The following PPP1R12A variants were observed in gnomAD, a reference collection of about 807,000 sequenced individuals.
The protein encoded by PPP1R12A is protein phosphatase 1 regulatory subunit 12A, also known as myosin binding subunit.
PPP1R12A carries 19 observed loss-of-function variants against 139.6 expected under a neutral mutation model. The observed-to-expected ratio is 0.14, with a 90% CI of 0.09 to 0.20. The LOEUF (loss-of-function observed/expected upper bound fraction) is 0.20, where lower values mean the gene tolerates loss of function less well. PPP1R12A is among the 10% of genes least tolerant of loss of function. PPP1R12A has a pLI of 1.00. For missense variants in PPP1R12A, 925 were observed against 1,211.5 expected (o/e 0.76, Z 3.51); for synonymous variants, 427 against 420.6 (o/e 1.02, Z -0.19).
intron 2 of PPP1R12A, among the ~76,000 whole-genome samples, chr12:79,870,992 A>G (rs767498062): frequency 6.7e-6 from 1 of 149,624 alleles, no homozygotes; most frequent in Non-Finnish European, 1.5e-5. Flanking sequence ...CTTGCAATCC[A>G]TTTTTTTTTT....
chr12:79,890,901 C>CACACACA (rs1565800207), intron 1 of PPP1R12A, among the ~76,000 whole-genome samples: 4 of 30,946 alleles, frequency 1.3e-4, no homozygotes, highest in African/African-American at 2.0e-4. Context: ...CCACCCACAC[C>CACACACA]CACCCACACA....
Position 79,828,350 on chromosome 12 carries a change from A to G in PPP1R12A, c.762T>C (p.Asn254=), listed in dbSNP as rs368002634. The change falls in exon 5 of 25, where the codon AAT becomes AAC. Residue 254 remains asparagine, a synonymous_variant. Transcript: ENST00000450142. ...TGTTGACCATCTCCATATCACACAG[A>G]TTGTCCACTAAAATTCGACATGCTT... The part of the protein sequence containing the change: ...KEEACRILVD[N]LCDMEMVNKV... 1.9e-6 allele frequency: 3 copies of G among 1,612,440 alleles called. No homozygotes were observed. In the African/African-American group the frequency reaches 4.0e-5, roughly 22 times the overall value.
At chr12:79,790,849 G>A (rs1277644116) in intron 19 of PPP1R12A, among the ~76,000 whole-genome samples, 1 of 152,024 alleles carries the variant, frequency 6.6e-6, no homozygotes, top group Non-Finnish European at 1.5e-5. Flanking sequence ...TTTTTCTATT[G>A]AAATACTCAC....
At chr12:79,909,723 G>T (rs1177112346) in intron 1 of PPP1R12A, among the ~76,000 whole-genome samples, 1 of 63,086 alleles carries the variant, frequency 1.6e-5, no homozygotes, top group Non-Finnish European at 4.7e-5. Context: ...ACAGAACTCC[G>T]TCTTAAAAAA....
At chr12:79,870,964 C>A (rs1350862358) in intron 2 of PPP1R12A, among the ~76,000 whole-genome samples, 1 of 152,156 alleles carries the variant, frequency 6.6e-6, no homozygotes, top group Non-Finnish European at 1.5e-5. Context: ...ACACAGAATA[C>A]AGGGAGGATA....
chr12:79,790,589 G>T, intron 19 of PPP1R12A, 106 bp from the exon 20 acceptor site: 1 of 756,002 alleles, frequency 1.3e-6, no homozygotes. Context: ...AGAAGCAAAC[G>T]AATGAACACC....
rs532993208 is a variant in PPP1R12A at position 79,831,168 on chromosome 12, T to C, written c.647+1164A>G. On this transcript the variant is annotated intron_variant, in intron 4 of 24. Coordinates refer to ENST00000450142, the MANE Select transcript of PPP1R12A (RefSeq NM_002480.3). ...TCTATTCTCAAAAAAAAAAATGCTG[T>C]TGGCAACTCACAAAAGTTTTGGATT... Among the ~76,000 whole-genome samples the C allele has an allele frequency of 2.7e-4, 41 of 151,766 alleles. No individual in the cohort carries two copies. In the South Asian group the frequency reaches 8.1e-3, roughly 30 times the overall value.
rs369933341 is a variant in PPP1R12A, at chr12:79,876,686, T to C, written c.238-3748A>G. Among the ~76,000 whole-genome samples, 139 of 152,232 alleles carry C rather than the reference T, an allele frequency of 9.1e-4. 3 individuals are homozygous for C. The highest frequency in any genetic ancestry group is 3.1e-3 in the African/African-American group (127 of 41,516). On this transcript the variant is annotated intron_variant, in intron 1 of 24. Transcript: ENST00000450142. ...CTACCATAGAAACAAAAGAAATGCT[T>C]TTAGCAGCATTTCCCTAAGGAAGAA... is the stretch of plus-strand genomic sequence containing the variant.
At chr12:79,903,301 A>ATTTT (rs1885809241) in intron 1 of PPP1R12A, among the ~76,000 whole-genome samples, 1 of 152,044 alleles carries the variant, frequency 6.6e-6, no homozygotes, top group African/African-American at 2.4e-5. Context: ...AAATACAAAA[A>ATTTT]TTAGCCAGGT....
chr12:79,829,745 TC>T (rs1319019408), intron 4 of PPP1R12A, among the ~76,000 whole-genome samples: 3 of 152,044 alleles, frequency 2.0e-5, no homozygotes, highest in African/African-American at 7.2e-5. Flanking sequence ...AAAACGCTGT[TC>T]CCCATTAGGA....
chr12:79,824,266 T>G (rs917556271), intron 5 of PPP1R12A, among the ~76,000 whole-genome samples: 27 of 152,304 alleles, frequency 1.8e-4, no homozygotes, highest in African/African-American at 6.3e-4. Flanking sequence ...ATAATGCTAT[T>G]TATTTAATGT....
At chr12:79,834,140 CAAGGA>C (rs201166951) in intron 3 of PPP1R12A, among the ~76,000 whole-genome samples, 1,615 of 152,000 alleles carry the variant, frequency 0.011, 72 homozygotes, top group Admixed American at 0.094. Context: ...AAAAATAAAG[CAAGGA>C]AAGGAAACAG....
In PPP1R12A at chr12:79,785,240, T is replaced by C. The variant is rs553642510; in HGVS notation, c.2907+1134A>G. 5.3e-5 allele frequency among the ~76,000 whole-genome samples: 8 copies of C among 152,338 alleles called. No homozygotes were observed. The East Asian group carries it at 1.5e-3, about 29-fold the overall frequency. On this transcript the variant is annotated intron_variant, in intron 22 of 24. Coordinates refer to ENST00000450142, the MANE Select transcript of PPP1R12A (RefSeq NM_002480.3). ...AACCTATTCTTGTTCTGTTTTACTT[T>C]TCTGTTTATCTTTACAAAAACCTCC...
In PPP1R12A at chr12:79,904,542, A is replaced by G. The variant is rs187863448; in HGVS notation, c.237+30153T>C. ...CTTATGACGAAAACCTTGCTGCAGA[A>G]TATTATTATCATTTAACAAGCTCTG... On this transcript the variant is annotated intron_variant, in intron 1 of 24. Transcript: ENST00000450142. 9.2e-5 allele frequency among the ~76,000 whole-genome samples: 14 copies of G among 152,218 alleles called. No individual in the cohort carries two copies. The East Asian group carries it at 2.1e-3, about 23-fold the overall frequency.
At chr12:79,823,219 G>C (rs1460162121) in intron 5 of PPP1R12A, among the ~76,000 whole-genome samples, 6 of 151,920 alleles carry the variant, frequency 3.9e-5, no homozygotes, top group African/African-American at 1.5e-4. Flanking sequence ...TTTCCAGGAT[G>C]CTTACAAGTT....
chr12:79,806,659 A>G (rs1316011046), intron 12 of PPP1R12A, among the ~76,000 whole-genome samples: 1 of 152,234 alleles, frequency 6.6e-6, no homozygotes, highest in Admixed American at 6.5e-5. Context: ...GTTTTGTATT[A>G]CCCAGGGAAA....
chr12:79,935,205 T>G, upstream of PPP1R12A: 1 of 1,309,102 alleles, frequency 7.6e-7, no homozygotes, highest in Non-Finnish European at 9.7e-7. Flanking sequence ...CTTCGCGAGA[T>G]CCGGACTGGG....
intron 2 of PPP1R12A, 124 bp downstream of exon 2, chr12:79,872,684 G>T (rs1882700664): frequency 5.5e-6 from 6 of 1,098,190 alleles, no homozygotes; most frequent in Admixed American, 2.8e-5. Context: ...TTTCTTTCTT[G>T]GAAAGAATAA....
intron 1 of PPP1R12A, among the ~76,000 whole-genome samples, chr12:79,902,448 A>ATTGAAAAAAAGTGATATTTTTAT (rs1885732989): frequency 6.6e-6 from 1 of 152,164 alleles, no homozygotes; most frequent in African/African-American, 2.4e-5. Context: ...GACACCTCAA[A>ATTGAAAAAAAGTGATATTTTTAT]TTGAAAAAAA....
Sources: allele counts gnomAD v4.1 joint callset (sites outside exome capture counted in the v4.1 genomes callset), GRCh38; gene constraint gnomAD v4.1.1; transcripts MANE v1.5; gene names NCBI Gene and HGNC (gene_info 2026-07-23, HGNC 2026-07-21).